CUX2: variants seen among roughly 807,000 people sequenced by gnomAD.
CUX2 encodes the protein cut like homeobox 2.
CUX2 carries 40 observed loss-of-function variants against 144.8 expected under a neutral mutation model. That is an observed-to-expected ratio of 0.28 (90% CI 0.21 to 0.36). CUX2 has a LOEUF of 0.36. Among genes scored for constraint, CUX2 ranks in the 10% least tolerant of loss-of-function variants. The pLI, the probability that CUX2 is intolerant of heterozygous loss-of-function variation, is 1.00. For missense variants in CUX2, 1,615 were observed against 1,994.0 expected (o/e 0.81, Z 3.62); for synonymous variants, 827 against 875.6 (o/e 0.94, Z 0.98).
chr12:111,093,493 T>TG (rs1348538636), intron 1 of CUX2, among the ~76,000 whole-genome samples: 4 of 150,410 alleles, frequency 2.7e-5, no homozygotes, highest in Non-Finnish European at 3.0e-5. Flanking sequence ...CTAAAAGTAG[T>TG]GAAAAAAAAA....
At position 111,077,976 on chromosome 12, in the gene CUX2, A is replaced by G. The variant is rs1006439875; in HGVS notation, c.63+43736A>G. Among the ~76,000 whole-genome samples the G allele has an allele frequency of 6.6e-6, 1 of 152,244 alleles. No individual in the cohort carries two copies. Among genetic ancestry groups the G allele is most frequent in the African/African-American group, 2.4e-5 (1 of 41,466 alleles). ...AGAAGAGAGGAAACAAAGGGAGTCC[A>G]GGTGGTACCCAGGGGTGGCAAAGGC... On this transcript the variant is annotated intron_variant, in intron 1 of 21. Coordinates refer to ENST00000261726, the MANE Select transcript of CUX2 (RefSeq NM_015267.4). The surrounding 1 kb of genome is among the most constrained non-coding windows in gnomAD (Gnocchi z 4.1).
At chr12:111,154,124 T>C (rs1877231178) in intron 1 of CUX2, among the ~76,000 whole-genome samples, 1 of 151,980 alleles carries the variant, frequency 6.6e-6, no homozygotes, top group Non-Finnish European at 1.5e-5. Context: ...TTCACCCATA[T>C]GGATTTGTGG....
chr12:111,200,753 G>A (rs1326589616), intron 1 of CUX2, among the ~76,000 whole-genome samples: 1 of 152,154 alleles, frequency 6.6e-6, no homozygotes, highest in Admixed American at 6.5e-5. Flanking sequence ...CAGAATTGGT[G>A]GGGGGCAGGA....
At chr12:111,299,237 G>C (rs1886165161) in intron 9 of CUX2, among the ~76,000 whole-genome samples, 1 of 152,240 alleles carries the variant, frequency 6.6e-6, no homozygotes, top group Admixed American at 6.5e-5. Context: ...CCTGAGGTCT[G>C]CGGGCCCGCA....
intron 1 of CUX2, among the ~76,000 whole-genome samples, chr12:111,143,286 G>A (rs923839689): frequency 6.6e-6 from 1 of 152,154 alleles, no homozygotes; most frequent in Non-Finnish European, 1.5e-5. Flanking sequence ...CAAGTGCCTT[G>A]GGTGTTTCCA....
Position 111,059,741 on chromosome 12 carries a change from C to T in CUX2, c.63+25501C>T. On this transcript the variant is annotated intron_variant, in intron 1 of 21. Transcript: ENST00000261726. This position sits in a 1 kb window ranked among gnomAD's most constrained non-coding sequence, Gnocchi z 5.3. ...GAGGGTGATGTGGAAGGGGTGCTAC[C>T]AAGGAGAAGGTGGTCGTGGGGGGTC... Among the ~76,000 whole-genome samples the T allele has an allele frequency of 6.6e-6, 1 of 151,824 alleles. No individual in the cohort carries two copies. Among genetic ancestry groups the T allele is most frequent in the East Asian group, 1.9e-4 (1 of 5,166 alleles).
intron 1 of CUX2, among the ~76,000 whole-genome samples, chr12:111,133,069 C>T (rs1345058125): frequency 6.6e-6 from 1 of 152,180 alleles, no homozygotes. Context: ...CCCACAGGAT[C>T]CTCATCTCCA....
chr12:111,181,557 G>C (rs1443580418), intron 1 of CUX2, among the ~76,000 whole-genome samples: 2 of 152,232 alleles, frequency 1.3e-5, no homozygotes, highest in Non-Finnish European at 2.9e-5. Context: ...ATGTATGAAA[G>C]GAATCGGGGC....
In CUX2 at chr12:111,263,612, A is replaced by G; in HGVS notation, c.223-149A>G. 2 of 705,002 alleles carry G rather than the reference A, an allele frequency of 2.8e-6. No homozygotes were observed. Among genetic ancestry groups the G allele is most frequent in the Admixed American group, 2.3e-5 (1 of 43,886 alleles). 43.7% of individuals were successfully genotyped at this position (705,002 alleles called of 1,614,324 possible). A position where few individuals can be genotyped will look rare whatever the true frequency, so the allele number is the denominator to read the frequency against. On this transcript the variant is annotated intron_variant, in intron 3 of 21. Coordinates refer to ENST00000261726, the MANE Select transcript of CUX2 (RefSeq NM_015267.4). The surrounding 1 kb of genome is among the most constrained non-coding windows in gnomAD (Gnocchi z 4.0). ...GGCACTCCAGCCTGGGCGACAGAGC[A>G]AGACTCTCTCTCAAAAACAAAACAA...
intron 1 of CUX2, among the ~76,000 whole-genome samples, chr12:111,036,891 G>A (rs562333208): frequency 1.1e-5 from 1 of 91,664 alleles, no homozygotes; most frequent in Non-Finnish European, 2.2e-5. Flanking sequence ...CAACAGGCCC[G>A]CAGCCCCCCA....
chr12:111,198,436 C>G (rs1226124035), intron 1 of CUX2, among the ~76,000 whole-genome samples: 3 of 150,156 alleles, frequency 2.0e-5, no homozygotes, highest in African/African-American at 7.4e-5. Flanking sequence ...GATTGTGCCA[C>G]TGCACTCCAA....
At position 111,322,963 on chromosome 12, in the gene CUX2, CCTT is replaced by C. The variant is rs1253609847; in HGVS notation, c.2926+387_2926+389del. On this transcript the variant is annotated intron_variant, in intron 18 of 21. Coordinates refer to ENST00000261726, the MANE Select transcript of CUX2 (RefSeq NM_015267.4). The surrounding 1 kb of genome is among the most constrained non-coding windows in gnomAD (Gnocchi z 4.2). ...AAGACCTAGCGTGCAGCCTCAGACTCCTTCTTAGCACAGGGCCTTGGGCAGTGC... is the reference window on the plus strand; with the variant it reads ...AAGACCTAGCGTGCAGCCTCAGACTCCTTAGCACAGGGCCTTGGGCAGTGC... 6.6e-6 allele frequency among the ~76,000 whole-genome samples: 1 copy of C among 152,232 alleles called. No individual in the cohort carries two copies. The highest frequency in any genetic ancestry group is 2.4e-5 in the African/African-American group (1 of 41,460).
chr12:111,194,526 C>T lies in CUX2; in HGVS notation c.64-19674C>T, dbSNP rs573734560. Among the ~76,000 whole-genome samples, 4 of 152,324 alleles carry T rather than the reference C, an allele frequency of 2.6e-5. No individual in the cohort carries two copies. The South Asian group carries it at 6.2e-4, about 24-fold the overall frequency. On this transcript the variant is annotated intron_variant, in intron 1 of 21. Coordinates refer to ENST00000261726, the MANE Select transcript of CUX2 (RefSeq NM_015267.4). ...GGGCCTTTCTGGAGAACTAGACTCC[C>T]GACCCTGCTGGGCCCACAGTTCCAT...
chr12:111,175,813 AAAAAAAG>A (rs1878817986), intron 1 of CUX2, among the ~76,000 whole-genome samples: 1 of 152,102 alleles, frequency 6.6e-6, no homozygotes, highest in Admixed American at 6.6e-5. Context: ...TTGTTTAAAA[AAAAAAAG>A]TAAGCGGGGA....
rs138683425 is a variant in CUX2 at position 111,304,361 on chromosome 12, T to C, written c.858+47T>C. On this transcript the variant is annotated intron_variant, in intron 10 of 21. Transcript: ENST00000261726. This position sits in a 1 kb window ranked among gnomAD's most constrained non-coding sequence, Gnocchi z 4.7. ...TGAGCAGGGAGGGCAGAGGGAAAGA[T>C]CGGGAATGGCTGAGTTTGCAGGTTT... 6,732 of 1,501,920 alleles carry C rather than the reference T, an allele frequency of 4.5e-3. 281 individuals are homozygous for C. The Admixed American group carries it at 0.087, about 19-fold the overall frequency. The allele number at this position is 1,501,920 out of a possible 1,614,324, so 93.0% of individuals were successfully genotyped here.
chr12:111,315,693 T>C (rs779818691), intron 16 of CUX2, among the ~76,000 whole-genome samples: 9 of 152,112 alleles, frequency 5.9e-5, no homozygotes, highest in South Asian at 2.1e-4. Flanking sequence ...CACTCCAGCC[T>C]GGGCAACAGA....
Position 111,264,843 on chromosome 12 carries a change from T to G in CUX2, c.301+1004T>G, listed in dbSNP as rs76738902. 2.8e-3 allele frequency among the ~76,000 whole-genome samples: 419 copies of G among 152,198 alleles called. 1 individual carries two copies. The highest frequency in any genetic ancestry group is 4.7e-3 in the Non-Finnish European group (321 of 68,016). ...AAGGAAGCCAGAAACCAAGGCCACA[T>G]AGTGTAGGATTTCATTTACATGAAA... is the stretch of plus-strand genomic sequence containing the variant. On this transcript the variant is annotated intron_variant, in intron 4 of 21. Transcript: ENST00000261726.
intron 1 of CUX2, among the ~76,000 whole-genome samples, chr12:111,206,652 AT>A (rs1162474483): frequency 1.3e-5 from 2 of 152,222 alleles, no homozygotes; most frequent in African/African-American, 4.8e-5. Context: ...CTGACACAGA[AT>A]TGGGCCAGTG....
At chr12:111,187,534 AGTGGCTCAT>A (rs1262881510) in intron 1 of CUX2, among the ~76,000 whole-genome samples, 1 of 151,642 alleles carries the variant, frequency 6.6e-6, no homozygotes, top group Non-Finnish European at 1.5e-5. Context: ...AACGCATTTC[AGTGGCTCAT>A]GTGGCTCATA....
Sources: allele counts gnomAD v4.1 joint callset (sites outside exome capture counted in the v4.1 genomes callset), GRCh38; gene constraint gnomAD v4.1.1; non-coding constraint Gnocchi (gnomAD v3.1); transcripts MANE v1.5; gene names NCBI Gene and HGNC (gene_info 2026-07-23, HGNC 2026-07-21).